The following GABBR2 variants were observed in gnomAD, a reference collection of about 807,000 sequenced individuals.
The protein encoded by GABBR2 is gamma-aminobutyric acid type B receptor subunit 2, also known as G-protein coupled receptor 51.
A neutral mutation model predicts 105.6 loss-of-function variants in GABBR2; 23 were observed. The observed-to-expected ratio is 0.22, with a 90% CI of 0.16 to 0.31. The LOEUF (loss-of-function observed/expected upper bound fraction) is 0.31. Ranked by LOEUF, GABBR2 falls within the 10% of genes least tolerant of loss-of-function variation. The pLI, the probability that GABBR2 is intolerant of heterozygous loss-of-function variation, is 1.00. For missense variants in GABBR2, 734 were observed against 1,245.5 expected (o/e 0.59, Z 6.18); for synonymous variants, 478 against 499.7 (o/e 0.96, Z 0.58).
intron 4 of GABBR2, among the ~76,000 whole-genome samples, chr9:98,485,001 G>T (rs1258152911): frequency 9.2e-5 from 14 of 152,178 alleles, no homozygotes; most frequent in Admixed American, 9.2e-4. Flanking sequence ...GTAGGGGGTA[G>T]GGAGGGGCAG....
intron 7 of GABBR2, among the ~76,000 whole-genome samples, chr9:98,411,869 C>T (rs994710534): frequency 1.3e-5 from 2 of 152,150 alleles, no homozygotes; most frequent in African/African-American, 2.4e-5. Context: ...CCACTGCACC[C>T]GGCTGCAAAA....
At chr9:98,555,506 G>A (rs558684234) in intron 2 of GABBR2, 1 of 152,316 alleles carries the variant, frequency 6.6e-6, no homozygotes, top group South Asian at 2.1e-4. Flanking sequence ...CAGCTGTGCA[G>A]GTGACAAATG....
chr9:98,644,755 C>T (rs1471346607), intron 1 of GABBR2, among the ~76,000 whole-genome samples: 2 of 152,160 alleles, frequency 1.3e-5, no homozygotes, highest in Non-Finnish European at 2.9e-5. Context: ...TTGCTTGAAC[C>T]TTGGAGACAG....
At chr9:98,565,273 T>C (rs899836204) in intron 2 of GABBR2, among the ~76,000 whole-genome samples, 2 of 152,178 alleles carry the variant, frequency 1.3e-5, no homozygotes, top group Admixed American at 6.5e-5. Context: ...CTCTACTCTG[T>C]GTGGAGTTAC....
Position 98,342,205 on chromosome 9 carries a change from T to A in GABBR2, c.1893+20510A>T, listed in dbSNP as rs558489442. On this transcript the variant is annotated intron_variant, in intron 13 of 18. Transcript: ENST00000259455. ...CTGGAGGAGATGCTTCTAAGCTGCC[T>A]CTCAAAGGTCAAGCAGGGATTTTAC... Among the ~76,000 whole-genome samples, 8 of 151,928 alleles carry A rather than the reference T, an allele frequency of 5.3e-5. No homozygotes were observed. The East Asian group carries it at 1.2e-3, about 22-fold the overall frequency.
intron 7 of GABBR2, among the ~76,000 whole-genome samples, chr9:98,418,227 C>T (rs911371908): frequency 1.3e-5 from 2 of 151,934 alleles, no homozygotes; most frequent in Non-Finnish European, 2.9e-5. Flanking sequence ...GTGGAAGGAG[C>T]AAAGTAGATG....
chr9:98,683,136 T>C (rs980181361), intron 1 of GABBR2, among the ~76,000 whole-genome samples: 3 of 151,738 alleles, frequency 2.0e-5, no homozygotes, highest in Non-Finnish European at 4.4e-5. Context: ...CTCTATCGCC[T>C]AGGCTAGAGT....
chr9:98,360,973 G>A (rs1386069730), intron 13 of GABBR2, among the ~76,000 whole-genome samples: 2 of 152,142 alleles, frequency 1.3e-5, no homozygotes, highest in Non-Finnish European at 2.9e-5. Flanking sequence ...CCAGCTCCAG[G>A]CCTTCCACAA....
intron 3 of GABBR2, among the ~76,000 whole-genome samples, chr9:98,534,593 A>T (rs747088680): frequency 6.6e-6 from 1 of 152,190 alleles, no homozygotes; most frequent in African/African-American, 2.4e-5. Flanking sequence ...CATGCTCAAG[A>T]TGAAAAAAAG....
intron 16 of GABBR2, among the ~76,000 whole-genome samples, chr9:98,299,879 T>C (rs1018664891): frequency 6.6e-6 from 1 of 152,142 alleles, no homozygotes; most frequent in African/African-American, 2.4e-5. Context: ...AATATTACTA[T>C]TATTACAGGG....
At chr9:98,469,792 C>T (rs1826631240) in intron 6 of GABBR2, among the ~76,000 whole-genome samples, 1 of 152,146 alleles carries the variant, frequency 6.6e-6, no homozygotes, top group African/African-American at 2.4e-5. Flanking sequence ...TCCATTTGTA[C>T]AATAGTGAGG....
chr9:98,703,816 A>AT, intron 1 of GABBR2, among the ~76,000 whole-genome samples: 1 of 151,286 alleles, frequency 6.6e-6, no homozygotes, highest in Admixed American at 6.6e-5. Context: ...TTTAAATAAA[A>AT]ATAAATTTAT....
intron 13 of GABBR2, among the ~76,000 whole-genome samples, chr9:98,341,549 C>T (rs977716796): frequency 6.6e-5 from 10 of 152,210 alleles, no homozygotes; most frequent in African/African-American, 1.4e-4. Flanking sequence ...ATGGTTATTG[C>T]GGCTGAGCGT....
chr9:98,331,099 A>T (rs938612087), intron 13 of GABBR2, among the ~76,000 whole-genome samples: 3 of 152,188 alleles, frequency 2.0e-5, no homozygotes, highest in Non-Finnish European at 2.9e-5. Context: ...TTTGCAGCTG[A>T]GTAATATTTC....
intron 1 of GABBR2, among the ~76,000 whole-genome samples, chr9:98,704,135 G>C (rs1004760084): frequency 5.3e-5 from 8 of 152,156 alleles, no homozygotes; most frequent in African/African-American, 1.9e-4. Flanking sequence ...AGCATCAACA[G>C]CTCCAGTAGG....
intron 12 of GABBR2, among the ~76,000 whole-genome samples, chr9:98,370,450 C>T (rs773921424): frequency 6.6e-6 from 1 of 152,134 alleles, no homozygotes; most frequent in Non-Finnish European, 1.5e-5. Flanking sequence ...GTATTTCCTG[C>T]CTCTTCCACC....
chr9:98,326,367 A>T (rs1342832395), intron 13 of GABBR2, among the ~76,000 whole-genome samples: 1 of 152,224 alleles, frequency 6.6e-6, no homozygotes, highest in Non-Finnish European at 1.5e-5. Context: ...TAATTTACAG[A>T]GGAGGAACCT....
At chr9:98,393,043 C>CATCT (rs1832215087) in intron 9 of GABBR2, among the ~76,000 whole-genome samples, 1 of 146,156 alleles carries the variant, frequency 6.8e-6, no homozygotes, top group African/African-American at 2.5e-5. Flanking sequence ...TCCATCCATC[C>CATCT]ATCCATCCAT....
At chr9:98,322,534 G>C (rs1467832066) in intron 13 of GABBR2, among the ~76,000 whole-genome samples, 1 of 151,916 alleles carries the variant, frequency 6.6e-6, no homozygotes, top group East Asian at 1.9e-4. Context: ...AAGACCTTCA[G>C]TGACTCCCCA....
Sources: gnomAD v4.1 joint callset for allele counts (sites outside exome capture counted in the v4.1 genomes callset) on GRCh38, gnomAD v4.1.1 for gene constraint, MANE v1.5 for transcripts, NCBI Gene and HGNC (gene_info 2026-07-23, HGNC 2026-07-21) for gene names.